Variants in AGTPBP1 observed in about 807,000 individuals in gnomAD.
AGTPBP1 encodes cytosolic carboxypeptidase 1.
A neutral mutation model predicts 143.9 loss-of-function variants in AGTPBP1; 70 were observed. The ratio of observed to expected loss-of-function variants is 0.49; its 90% CI spans 0.40 to 0.59. AGTPBP1 has a LOEUF of 0.59. AGTPBP1 is among the 20% of genes least tolerant of loss of function. AGTPBP1 has a pLI of 0.00. For missense variants in AGTPBP1, 1,229 were observed against 1,464.5 expected, an observed-to-expected ratio of 0.84 and a Z score of 2.62; for synonymous variants, 463 against 500.2, an observed-to-expected ratio of 0.93 and a Z score of 0.99.
At chr9:85,601,040 C>T (rs1334350104) in intron 17 of AGTPBP1, among the ~76,000 whole-genome samples, 1 of 152,174 alleles carries the variant, frequency 6.6e-6, no homozygotes, top group African/African-American at 2.4e-5. Context: ...CTCCATTGCC[C>T]TTATTGCCCT....
intron 1 of AGTPBP1, among the ~76,000 whole-genome samples, chr9:85,717,336 T>C (rs1476827133): frequency 6.6e-6 from 1 of 152,000 alleles, no homozygotes; most frequent in Non-Finnish European, 1.5e-5. Context: ...AGAGCCCTTC[T>C]CTAAAAAATA....
At chr9:85,764,818 G>A in the AGTPBP1 span, 1 of 1,338,716 alleles carries the variant, frequency 7.5e-7, no homozygotes, top group Non-Finnish European at 1.1e-6. Flanking sequence ...AGAAAACAAA[G>A]ATTTCAGAGC....
chr9:85,707,640 C>T (rs1837095489), intron 2 of AGTPBP1, among the ~76,000 whole-genome samples: 1 of 152,160 alleles, frequency 6.6e-6, no homozygotes, highest in Non-Finnish European at 1.5e-5. Context: ...GAACAAATGC[C>T]TTGAAAGACA....
upstream of AGTPBP1, among the ~76,000 whole-genome samples, chr9:85,744,391 ATT>A (rs1824558891): frequency 6.6e-6 from 1 of 152,210 alleles, no homozygotes; most frequent in Non-Finnish European, 1.5e-5. Context: ...GCCTCTATAC[ATT>A]GTGAACCTAA....
chr9:85,714,756 C>T (rs1480297660), intron 1 of AGTPBP1, among the ~76,000 whole-genome samples: 1 of 152,052 alleles, frequency 6.6e-6, no homozygotes, highest in Non-Finnish European at 1.5e-5. Context: ...TTGTTTCTGG[C>T]ATTTTAACTT....
At chr9:85,691,233 A>T (rs1050536804) in intron 3 of AGTPBP1, among the ~76,000 whole-genome samples, 11 of 152,176 alleles carry the variant, frequency 7.2e-5, no homozygotes, top group Non-Finnish European at 1.5e-4. Context: ...ATTTTAAATT[A>T]TGCAAGAAAC....
At chr9:85,698,211 C>A (rs899272999) in intron 2 of AGTPBP1, among the ~76,000 whole-genome samples, 1 of 151,960 alleles carries the variant, frequency 6.6e-6, no homozygotes, top group African/African-American at 2.4e-5. Flanking sequence ...TTGCCAGTAA[C>A]CCTGACTAGT....
intron 12 of AGTPBP1, among the ~76,000 whole-genome samples, chr9:85,644,943 C>T (rs77393503): frequency 0.021 from 3,214 of 152,154 alleles, 131 homozygotes; most frequent in African/African-American, 0.073. Context: ...GATAATAAAG[C>T]TCAGCAGTCT....
the AGTPBP1 span, among the ~76,000 whole-genome samples, chr9:85,784,251 C>T: frequency 1.3e-5 from 2 of 152,172 alleles, no homozygotes; most frequent in African/African-American, 4.8e-5. Flanking sequence ...TAATCTTTCC[C>T]TAGTCGGTTC....
At chr9:85,747,896 G>A in the AGTPBP1 span, among the ~76,000 whole-genome samples, 7 of 152,026 alleles carry the variant, frequency 4.6e-5, no homozygotes, top group African/African-American at 1.4e-4. Context: ...ACTTTGCTAA[G>A]CATGTATGTG....
At chr9:85,732,314 C>T (rs747285946) in intron 1 of AGTPBP1, among the ~76,000 whole-genome samples, 22 of 150,412 alleles carry the variant, frequency 1.5e-4, no homozygotes, top group East Asian at 4.0e-4. Flanking sequence ...TCCTGGGTTC[C>T]GGCCATTCTC....
At chr9:85,688,683 G>A (rs971699335) in intron 3 of AGTPBP1, among the ~76,000 whole-genome samples, 2 of 152,142 alleles carry the variant, frequency 1.3e-5, no homozygotes, top group African/African-American at 4.8e-5. Context: ...AAAAAACTAA[G>A]GGGAAATTGC....
At chr9:85,611,167 T>C (rs1336000652) in intron 17 of AGTPBP1, among the ~76,000 whole-genome samples, 2 of 148,942 alleles carry the variant, frequency 1.3e-5, no homozygotes, top group Non-Finnish European at 3.0e-5. Flanking sequence ...TTTTTTTTTT[T>C]TTTTTTTGCA....
chr9:85,804,046 T>C, the AGTPBP1 span, among the ~76,000 whole-genome samples: 31,742 of 152,102 alleles, frequency 0.21, 4,359 homozygotes, highest in South Asian at 0.45. Flanking sequence ...CATTACCTTT[T>C]ACCTGGCCTA....
At chr9:85,686,553 A>C (rs911146324) in intron 3 of AGTPBP1, among the ~76,000 whole-genome samples, 2 of 152,086 alleles carry the variant, frequency 1.3e-5, no homozygotes, top group African/African-American at 4.8e-5. Flanking sequence ...TTTAACTATC[A>C]ATCTGTTGGC....
chr9:85,622,544 A>C (rs566137640), intron 14 of AGTPBP1, among the ~76,000 whole-genome samples: 1 of 152,318 alleles, frequency 6.6e-6, no homozygotes, highest in Non-Finnish European at 1.5e-5. Flanking sequence ...AAAAAGTATA[A>C]TGCTAAAACT....
intron 14 of AGTPBP1, among the ~76,000 whole-genome samples, chr9:85,625,551 TATATA>T (rs1271189959): frequency 6.6e-6 from 1 of 152,184 alleles, no homozygotes; most frequent in Non-Finnish European, 1.5e-5. Flanking sequence ...CATCACATAT[TATATA>T]AAAGTGTAAT....
At chr9:85,712,408 C>A in intron 2 of AGTPBP1, 94 bp downstream of exon 2, 1 of 589,514 alleles carries the variant, frequency 1.7e-6, no homozygotes. Context: ...TATACTTAAA[C>A]ACAAATAATA....
At chr9:85,669,382 C>A in intron 8 of AGTPBP1, 103 bp downstream of exon 8, 18 of 533,424 alleles carry the variant, frequency 3.4e-5, no homozygotes, top group South Asian at 7.9e-5. Context: ...ATGAAATAAC[C>A]CTGGAGACAA....
Sources: allele counts gnomAD v4.1 joint callset (sites outside exome capture counted in the v4.1 genomes callset), GRCh38; gene constraint gnomAD v4.1.1; transcripts MANE v1.5; gene names NCBI Gene and HGNC (gene_info 2026-07-23, HGNC 2026-07-21).